Variants in MGA observed in about 807,000 individuals in gnomAD.
The protein encoded by MGA is MAX dimerization protein MGA.
Under a neutral mutation model 261.1 loss-of-function variants are expected in MGA, and 40 were observed. The ratio of observed to expected loss-of-function variants is 0.15; its 90% CI spans 0.12 to 0.20. MGA has a LOEUF of 0.20. Among genes scored for constraint, MGA ranks in the 10% least tolerant of loss-of-function variants. The pLI, the probability that MGA is intolerant of heterozygous loss-of-function variation, is 1.00. For synonymous variants in MGA, 1,302 were observed against 1,290.6 expected, an observed-to-expected ratio of 1.01 and a Z score of -0.19; for missense variants, 3,397 against 3,630.5, an observed-to-expected ratio of 0.94 and a Z score of 1.65.
intron 1 of MGA, among the ~76,000 whole-genome samples, chr15:41,627,734 C>T (rs762200420): frequency 5.9e-5 from 9 of 152,058 alleles, no homozygotes; most frequent in Non-Finnish European, 1.3e-4. Flanking sequence ...AAAATAATGA[C>T]GAAGTTGCCT....
intron 1 of MGA, among the ~76,000 whole-genome samples, chr15:41,622,401 C>A (rs2056325711): frequency 6.6e-6 from 1 of 151,780 alleles, no homozygotes; most frequent in Admixed American, 6.6e-5. Context: ...GCCACCCCGC[C>A]AAAAAAAACC....
chr15:41,666,741 C>G (rs185235699), intron 1 of MGA, among the ~76,000 whole-genome samples: 4 of 152,296 alleles, frequency 2.6e-5, no homozygotes, highest in African/African-American at 7.2e-5. Flanking sequence ...ATGGATGTGT[C>G]ATCATTTGTT....
At chr15:41,676,561 T>C (rs530146020) in intron 2 of MGA, among the ~76,000 whole-genome samples, 2 of 152,360 alleles carry the variant, frequency 1.3e-5, no homozygotes, top group South Asian at 4.1e-4. Flanking sequence ...CTGGTTTTTT[T>C]TCTCAACATT....
At chr15:41,624,019 G>C (rs1231070667) in intron 1 of MGA, among the ~76,000 whole-genome samples, 1 of 151,516 alleles carries the variant, frequency 6.6e-6, no homozygotes, top group African/African-American at 2.4e-5. Context: ...TCCAGCCTTG[G>C]CCTTCTGAAG....
rs1271924240 is a variant in MGA at position 41,654,390 on chromosome 15, A to G, written c.-67-14438A>G. 2.0e-5 allele frequency among the ~76,000 whole-genome samples: 3 copies of G among 152,192 alleles called. No individual in the cohort carries two copies. In the East Asian group the frequency reaches 5.8e-4, roughly 29 times the overall value. ...AAATGATCTTTTTTTAAAAAAAATC[A>G]TAGTAATAATAGATGATGGATGTTT... On this transcript the variant is annotated intron_variant, in intron 1 of 8. Transcript: ENST00000566718.
intron 5 of MGA, among the ~76,000 whole-genome samples, chr15:41,704,417 T>C (rs1012754395): frequency 6.6e-6 from 1 of 152,072 alleles, no homozygotes. Flanking sequence ...CCCAGCACTT[T>C]GGGAGGCCAA....
rs147471425 is a variant in MGA at position 41,637,806 on chromosome 15, G to A, written c.-68+16508G>A. Among the ~76,000 whole-genome samples the A allele has an allele frequency of 2.3e-3, 348 of 151,810 alleles. 1 individual carries two copies. Among genetic ancestry groups the A allele is most frequent in the African/African-American group, 7.9e-3 (326 of 41,394 alleles). On this transcript the variant is annotated intron_variant, in intron 1 of 8. Coordinates refer to the MGA transcript ENST00000566718. ...GTTGCTCAGGCTGGAGTGCAATGGC[G>A]TGATCTCTGCTCACTGCGACCTCCG... is the stretch of plus-strand genomic sequence containing the variant.
At chr15:41,707,607 A>G (rs1055349863) in intron 5 of MGA, 121 bp from the exon 6 acceptor site, 10 of 900,392 alleles carry the variant, frequency 1.1e-5, no homozygotes, top group Middle Eastern at 3.1e-4. Flanking sequence ...GCTCTTCACT[A>G]TCTCCTTTCT....
At chr15:41,705,287 C>G (rs1034134419) in intron 5 of MGA, among the ~76,000 whole-genome samples, 3 of 151,828 alleles carry the variant, frequency 2.0e-5, no homozygotes, top group African/African-American at 7.3e-5. Context: ...TTGTTTACCT[C>G]TCGTAGGGAC....
chr15:41,686,537 A>ATTT (rs903107520), intron 2 of MGA, among the ~76,000 whole-genome samples: 1 of 149,924 alleles, frequency 6.7e-6, no homozygotes, highest in Non-Finnish European at 1.5e-5. Flanking sequence ...TAAAAAAAAA[A>ATTT]TTTTTTTTTT....
Position 41,673,115 on chromosome 15 carries a change from A to G in MGA, c.1064+3157A>G, listed in dbSNP as rs895694943. 4.6e-5 allele frequency among the ~76,000 whole-genome samples: 7 copies of G among 151,822 alleles called. No homozygotes were observed. In the East Asian group the frequency reaches 1.4e-3, roughly 29 times the overall value. On this transcript the variant is annotated intron_variant, in intron 2 of 23. Transcript: ENST00000219905. ...AACTCTTGATTTTTTCCCTTCTTTC[A>G]GTTATTCTTACTGACTCCTTATATT...
At chr15:41,702,575 C>G (rs146536588) in intron 5 of MGA, among the ~76,000 whole-genome samples, 4 of 152,254 alleles carry the variant, frequency 2.6e-5, no homozygotes, top group African/African-American at 7.2e-5. Flanking sequence ...GCTGAAAACC[C>G]TTGAAAAACT....
chr15:41,621,969 G>A (rs560108862), intron 1 of MGA, among the ~76,000 whole-genome samples: 1 of 149,706 alleles, frequency 6.7e-6, no homozygotes, highest in East Asian at 1.9e-4. Context: ...TCGCCAAGCA[G>A]GGGGAGTGCT....
At chr15:41,629,649 A>G (rs2056544851) in intron 1 of MGA, among the ~76,000 whole-genome samples, 1 of 151,802 alleles carries the variant, frequency 6.6e-6, no homozygotes. Flanking sequence ...GGATTACTTC[A>G]GCCTGGGTGG....
At chr15:41,713,100 T>C in intron 8 of MGA, 51 bp from the exon 9 acceptor site, 1 of 1,577,854 alleles carries the variant, frequency 6.3e-7, no homozygotes, top group South Asian at 1.1e-5. Context: ...AAGTTGGTGG[T>C]GGTGTAGGGG....
chr15:41,760,505 T>G lies in MGA; in HGVS notation c.7374T>G (p.Val2458=). Reference sequence around the variant, plus strand: ...TGGGATTACTTCATTCTTCCAAGGTTTCCAAAAGTCTCATTCTTACTCGAG... The same window carrying G: ...TGGGATTACTTCATTCTTCCAAGGTGTCCAAAAGTCTCATTCTTACTCGAG... Residue 2458 remains valine, a synonymous_variant, in exon 20 of 24, where the codon GTT becomes GTG. Transcript: ENST00000219905. 3.1e-6 allele frequency: 5 copies of G among 1,613,990 alleles called. No individual in the cohort carries two copies. Among genetic ancestry groups the G allele is most frequent in the Non-Finnish European group, 4.2e-6 (5 of 1,179,880 alleles).
At chr15:41,745,590 T>A (rs1244464069) in intron 15 of MGA, among the ~76,000 whole-genome samples, 3 of 151,350 alleles carry the variant, frequency 2.0e-5, no homozygotes, top group South Asian at 2.1e-4. Flanking sequence ...TATTTTTATT[T>A]AAAAAAAATA....
At position 41,760,489 on chromosome 15, in the gene MGA, T is replaced by C; in HGVS notation, c.7358T>C (p.Leu2453Pro). The C allele has an allele frequency of 6.2e-7, 1 of 1,614,048 alleles. No homozygotes were observed. The highest frequency in any genetic ancestry group is 8.5e-7 in the Non-Finnish European group (1 of 1,179,896). The change falls in exon 20 of 24, where the codon CTT (leucine) becomes CCT (proline). Residue 2453 changes from leucine (L) to proline (P), a missense_variant. Transcript: ENST00000219905. ...AAATTAAAGATCACATTGGGATTAC[T>C]TCATTCTTCCAAGGTTTCCAAAAGT...
chr15:41,762,338 T>A lies in MGA; in HGVS notation c.7720T>A (p.Ser2574Thr), dbSNP rs531131488. Reference sequence around the variant, plus strand: ...CAGGAGGGGGAAACCTTTGATTCTTTCCAGAAAAAAAGACCAGGCCACAGG... The same window carrying A: ...CAGGAGGGGGAAACCTTTGATTCTTACCAGAAAAAAAGACCAGGCCACAGG... Residue 2574 changes from serine to threonine, a missense_variant, in exon 22 of 24, where the codon TCC (serine) becomes ACC (threonine). This residue lies in a region of MGA where 647 missense variants were observed against 642.4 expected (regional missense o/e 1.01). Transcript: ENST00000219905. The A allele has an allele frequency of 4.3e-6, 7 of 1,613,098 alleles. No individual in the cohort carries two copies. The highest frequency in any genetic ancestry group is 5.9e-6 in the Non-Finnish European group (7 of 1,179,696).
Sources: allele counts gnomAD v4.1 joint callset (sites outside exome capture counted in the v4.1 genomes callset), GRCh38; gene constraint gnomAD v4.1.1; regional missense constraint gnomAD v4.1.1; transcripts MANE v1.5; gene names NCBI Gene and HGNC (gene_info 2026-07-23, HGNC 2026-07-21).